OGFOD3: variants seen among roughly 807,000 people sequenced by gnomAD.
OGFOD3 encodes the protein 2-oxoglutarate and iron-dependent oxygenase domain-containing protein 3.
Under a neutral mutation model 39.8 loss-of-function variants are expected in OGFOD3, and 35 were observed. The observed-to-expected ratio is 0.88, with a 90% CI of 0.67 to 1.17. The LOEUF (loss-of-function observed/expected upper bound fraction) is 1.17. Ranked by LOEUF, OGFOD3 falls within the 50% of genes most tolerant of loss-of-function variation. The pLI is 0.00. For missense variants in OGFOD3, 438 were observed against 454.5 expected (o/e 0.96, Z 0.33); for synonymous variants, 200 against 192.0 (o/e 1.04, Z -0.34).
At chr17:82,411,399 GCCCCACTCCGCGTGTGTTTGTTTGAATCC>G (rs2052939959) in intron 3 of OGFOD3, 27 bp downstream of exon 3, 3 of 1,487,934 alleles carry the variant, frequency 2.0e-6, no homozygotes, top group Non-Finnish European at 2.8e-6. Flanking sequence ...TCCCGCCCTA[GCCCCACTCCGCGTGTGTTTGTTTGAATCC>G]CACCGTGCTC....
Position 82,392,182 on chromosome 17 carries a change from A to G in OGFOD3, c.*216T>C. On this transcript the variant is annotated 3_prime_UTR_variant, in exon 9 of 9. Coordinates refer to ENST00000313056, the MANE Select transcript of OGFOD3 (RefSeq NM_024648.3). The surrounding 1 kb of genome is among the most constrained non-coding windows in gnomAD (Gnocchi z 4.2). The stretch of plus-strand genomic sequence containing the variant: ...TTCCTGGCCTCCACCTCAGGCTCCC[A>G]GGCCTACAGCCCAAGCACACATGAT... The G allele has an allele frequency of 1.6e-6, 1 of 612,626 alleles. No homozygotes were observed. The highest frequency in any genetic ancestry group is 2.8e-6 in the Non-Finnish European group (1 of 356,916). The allele number at this position is 612,626 out of a possible 1,614,324, so 37.9% of individuals were successfully genotyped here.
In OGFOD3 at chr17:82,412,863, C is replaced by A. The variant is rs565410216; in HGVS notation, c.305-1333G>T. On this transcript the variant is annotated intron_variant, in intron 2 of 8. Coordinates refer to ENST00000313056, the MANE Select transcript of OGFOD3 (RefSeq NM_024648.3). ...TTTTCCTCCCTCTCCCTACATCCTGCCTAAAAAGCCAGCCCTGAGCCTGGA... is the reference window on the plus strand; with the variant it reads ...TTTTCCTCCCTCTCCCTACATCCTGACTAAAAAGCCAGCCCTGAGCCTGGA... Among the ~76,000 whole-genome samples the A allele has an allele frequency of 2.5e-4, 38 of 152,300 alleles. 2 individuals are homozygous for A. In the South Asian group the frequency reaches 7.9e-3, roughly 32 times the overall value.
intron 8 of OGFOD3, among the ~76,000 whole-genome samples, chr17:82,397,596 C>T (rs998324642): frequency 1.3e-5 from 2 of 152,076 alleles, no homozygotes; most frequent in Non-Finnish European, 2.9e-5. Context: ...AGGATCTGGG[C>T]TTGTGTTACC....
In OGFOD3 at chr17:82,405,307, G is replaced by A. The variant is rs201164045; in HGVS notation, c.545+17C>T. On this transcript the variant is annotated intron_variant, in intron 6 of 8. Coordinates refer to ENST00000313056, the MANE Select transcript of OGFOD3 (RefSeq NM_024648.3). ...CCACCCCGCCTGCGAACCCCCACCC[G>A]CCTCACTCCTCCTTACCGGTATAAC... The A allele has an allele frequency of 4.3e-5, 64 of 1,502,914 alleles. No homozygotes were observed. In the East Asian group the frequency reaches 7.6e-4, roughly 18 times the overall value. 93.1% of individuals were successfully genotyped at this position (1,502,914 alleles called of 1,614,324 possible).
intron 8 of OGFOD3, chr17:82,394,489 C>T (rs757775794): frequency 2.2e-5 from 35 of 1,613,966 alleles, no homozygotes; most frequent in Non-Finnish European, 3.0e-5. Flanking sequence ...TTCACTGGCT[C>T]TCGGTCCATT....
Position 82,404,156 on chromosome 17 carries a change from C to T in OGFOD3, c.546-66G>A. ...GAGGGGACGCTCGTGGGTCCCAACC[C>T]GTGGGTGGCAGGAAAGGAACCAGCC... On this transcript the variant is annotated intron_variant, in intron 6 of 8. Coordinates refer to ENST00000313056, the MANE Select transcript of OGFOD3 (RefSeq NM_024648.3). The surrounding 1 kb of genome is among the most constrained non-coding windows in gnomAD (Gnocchi z 4.5). 1 of 1,469,094 alleles carries T rather than the reference C, an allele frequency of 6.8e-7. No homozygotes were observed. The highest frequency in any genetic ancestry group is 2.4e-5 in the East Asian group (1 of 41,954). The allele number at this position is 1,469,094 out of a possible 1,614,324, so 91.0% of individuals were successfully genotyped here. A position where few individuals can be genotyped will look rare whatever the true frequency, so the allele number is the denominator to read the frequency against.
At chr17:82,394,078 C>T (rs941750938) in intron 8 of OGFOD3, among the ~76,000 whole-genome samples, 3 of 151,556 alleles carry the variant, frequency 2.0e-5, no homozygotes, top group African/African-American at 7.3e-5. Context: ...CAAGCTCTGC[C>T]TCCTGGGTTC....
intron 7 of OGFOD3, among the ~76,000 whole-genome samples, chr17:82,403,388 T>C (rs191467879): frequency 1.7e-3 from 265 of 152,222 alleles, no homozygotes; most frequent in Non-Finnish European, 3.1e-3. Context: ...TCCCAGCACT[T>C]TGGGGGGCCA....
At chr17:82,402,251 A>G (rs2052778905) in intron 7 of OGFOD3, among the ~76,000 whole-genome samples, 1 of 152,002 alleles carries the variant, frequency 6.6e-6, no homozygotes, top group Non-Finnish European at 1.5e-5. Context: ...CCTGGCCAAC[A>G]TGGTGAAACC....
Position 82,418,396 on chromosome 17 carries a change from C to A in OGFOD3, c.74+16G>T, listed in dbSNP as rs950581829. The A allele has an allele frequency of 2.6e-5, 38 of 1,472,696 alleles. No homozygotes were observed. The highest frequency in any genetic ancestry group is 3.3e-5 in the Non-Finnish European group (37 of 1,115,654). The allele number at this position is 1,472,696 out of a possible 1,614,324, so 91.2% of individuals were successfully genotyped here. A position where few individuals can be genotyped will look rare whatever the true frequency, so the allele number is the denominator to read the frequency against. Reference sequence around the variant, plus strand: ...TCCGCCGCCGCAGCGCGCGCCCTTCCCCTCCTCACCGCTACCTGCTCCGGT... The same window carrying A: ...TCCGCCGCCGCAGCGCGCGCCCTTCACCTCCTCACCGCTACCTGCTCCGGT... On this transcript the variant is annotated intron_variant, in intron 1 of 8. Transcript: ENST00000313056.
At chr17:82,416,514 C>T (rs999880731) in intron 1 of OGFOD3, among the ~76,000 whole-genome samples, 2 of 152,106 alleles carry the variant, frequency 1.3e-5, no homozygotes, top group African/African-American at 2.4e-5. Context: ...CCCTCCCCTC[C>T]TGTAAAATAA....
intron 7 of OGFOD3, among the ~76,000 whole-genome samples, chr17:82,403,272 T>C (rs1357861972): frequency 6.6e-6 from 1 of 152,122 alleles, no homozygotes; most frequent in Non-Finnish European, 1.5e-5. Flanking sequence ...ATGAGAAATT[T>C]TATTTCTCCA....
chr17:82,392,140 C>T lies in OGFOD3; in HGVS notation c.*258G>A, dbSNP rs1374488004. ...CATTCACAGATGGGGACTTGTGCCCCGTCCTGCTGGGTCCCTTTCCTGGCC... is the reference window on the plus strand; with the variant it reads ...CATTCACAGATGGGGACTTGTGCCCTGTCCTGCTGGGTCCCTTTCCTGGCC... On this transcript the variant is annotated 3_prime_UTR_variant, in exon 9 of 9. Coordinates refer to ENST00000313056, the MANE Select transcript of OGFOD3 (RefSeq NM_024648.3). This position sits in a 1 kb window ranked among gnomAD's most constrained non-coding sequence, Gnocchi z 4.2. 1.7e-5 allele frequency: 9 copies of T among 537,202 alleles called. No individual in the cohort carries two copies. Among genetic ancestry groups the T allele is most frequent in the African/African-American group, 3.8e-5 (2 of 52,210 alleles). 33.3% of individuals were successfully genotyped at this position (537,202 alleles called of 1,614,324 possible). A position where few individuals can be genotyped will look rare whatever the true frequency, so the allele number is the denominator to read the frequency against.
intron 7 of OGFOD3, chr17:82,401,144 CT>C (rs10711493): frequency 0.18 from 23,464 of 130,918 alleles, 2,626 homozygotes; most frequent in East Asian, 0.57. Flanking sequence ...TTGGGTTTAC[CT>C]TTTTTTTTTT....
chr17:82,396,983 GCTGGCTA>G (rs2052682700), intron 8 of OGFOD3: 1 of 152,078 alleles, frequency 6.6e-6, no homozygotes. Context: ...TTGGCCAGCC[GCTGGCTA>G]CAGCGGGAAC....
intron 2 of OGFOD3, among the ~76,000 whole-genome samples, chr17:82,412,360 C>T (rs1306720455): frequency 1.1e-5 from 1 of 93,742 alleles, no homozygotes; most frequent in African/African-American, 4.3e-5. Flanking sequence ...GCATGGTTAT[C>T]GGGGCAGGGG....
In OGFOD3 at chr17:82,390,603, C is replaced by T. The variant is rs762855974; in HGVS notation, c.*1795G>A. 10 of 169,110 alleles carry T rather than the reference C, an allele frequency of 5.9e-5. No individual in the cohort carries two copies. The highest frequency in any genetic ancestry group is 1.3e-4 in the Non-Finnish European group (10 of 77,924). The allele number at this position is 169,110 out of a possible 1,614,324, so 10.5% of individuals were successfully genotyped here. On this transcript the variant is annotated 3_prime_UTR_variant, in exon 9 of 9. Transcript: ENST00000313056. This position sits in a 1 kb window ranked among gnomAD's most constrained non-coding sequence, Gnocchi z 4.9. ...TGCAGCCCTGACCAAGGAGGGTTCC[C>T]CATACACGGGCAGAAGCTGTGGACC...
intron 2 of OGFOD3, among the ~76,000 whole-genome samples, chr17:82,413,936 T>C (rs550460433): frequency 1.3e-5 from 2 of 152,246 alleles, no homozygotes; most frequent in African/African-American, 2.4e-5. Flanking sequence ...ATTTGTTTTA[T>C]TGTAAAATAT....
chr17:82,414,188 C>G (rs1429301284), intron 2 of OGFOD3, among the ~76,000 whole-genome samples: 1 of 152,074 alleles, frequency 6.6e-6, no homozygotes, highest in African/African-American at 2.4e-5. Context: ...AGTGCGGTGG[C>G]ACACTCTAGG....
Sources: allele counts gnomAD v4.1 joint callset (sites outside exome capture counted in the v4.1 genomes callset), GRCh38; gene constraint gnomAD v4.1.1; non-coding constraint Gnocchi (gnomAD v3.1); transcripts MANE v1.5; gene names NCBI Gene and HGNC (gene_info 2026-07-23, HGNC 2026-07-21).